Variants in SIPA1L3 observed in about 807,000 individuals in gnomAD.
SIPA1L3 encodes signal-induced proliferation-associated 1-like protein 3.
SIPA1L3 carries 59 observed loss-of-function variants against 150.1 expected under a neutral mutation model. The ratio of observed to expected loss-of-function variants is 0.39; its 90% CI spans 0.32 to 0.49. The LOEUF (loss-of-function observed/expected upper bound fraction) is 0.49, where lower values mean the gene tolerates loss of function less well. Among genes scored for constraint, SIPA1L3 ranks in the 20% least tolerant of loss-of-function variants. The pLI, the probability that SIPA1L3 is intolerant of heterozygous loss-of-function variation, is 0.86. For missense variants in SIPA1L3, 2,211 were observed against 2,489.5 expected, an observed-to-expected ratio of 0.89 and a Z score of 2.38; for synonymous variants, 1,070 against 1,077.6, an observed-to-expected ratio of 0.99 and a Z score of 0.14.
intron 15 of SIPA1L3, among the ~76,000 whole-genome samples, chr19:38,168,651 A>G (rs920947930): frequency 8.5e-5 from 13 of 152,116 alleles, no homozygotes; most frequent in Admixed American, 3.9e-4. Flanking sequence ...AATCCGAGAC[A>G]TAAAGACAGC....
chr19:37,953,443 T>C (rs1326284876), intron 1 of SIPA1L3, among the ~76,000 whole-genome samples: 1 of 152,142 alleles, frequency 6.6e-6, no homozygotes, highest in African/African-American at 2.4e-5. Flanking sequence ...CAAAGTCTGC[T>C]CTTAGGAGGA....
intron 1 of SIPA1L3, among the ~76,000 whole-genome samples, chr19:38,024,397 A>C (rs1968452970): frequency 6.6e-6 from 1 of 152,128 alleles, no homozygotes; most frequent in Admixed American, 6.5e-5. Context: ...AGCAGGAAAA[A>C]ATGGAGCTGC....
At chr19:38,039,259 A>G (rs1968856899) in intron 2 of SIPA1L3, among the ~76,000 whole-genome samples, 1 of 152,146 alleles carries the variant, frequency 6.6e-6, no homozygotes, top group African/African-American at 2.4e-5. Flanking sequence ...GCCCCAAGAT[A>G]ATCACTTTTA....
intron 1 of SIPA1L3, among the ~76,000 whole-genome samples, chr19:37,981,133 C>T (rs1380602439): frequency 6.6e-6 from 1 of 152,102 alleles, no homozygotes; most frequent in East Asian, 1.9e-4. Context: ...TAGTATAGCT[C>T]ATGATTAAAG....
chr19:38,069,745 A>G (rs1223492012), intron 2 of SIPA1L3, among the ~76,000 whole-genome samples: 3 of 149,704 alleles, frequency 2.0e-5, no homozygotes, highest in Non-Finnish European at 4.5e-5. Flanking sequence ...GCTTACTGCA[A>G]CCTCCACCTC....
At chr19:38,202,697 C>G (rs1412443188) in intron 20 of SIPA1L3, among the ~76,000 whole-genome samples, 1 of 152,216 alleles carries the variant, frequency 6.6e-6, no homozygotes, top group Non-Finnish European at 1.5e-5. Context: ...TCTGCTCCTT[C>G]GTCTCCTCCT....
At chr19:37,944,722 G>A (rs1379962082) in intron 1 of SIPA1L3, among the ~76,000 whole-genome samples, 1 of 152,002 alleles carries the variant, frequency 6.6e-6, no homozygotes, top group Non-Finnish European at 1.5e-5. Context: ...AGGCTGAGGC[G>A]GGCAGATCAC....
Position 38,206,384 on chromosome 19 carries a change from C to A in SIPA1L3, c.*144C>A. The A allele has an allele frequency of 1.0e-6, 1 of 975,706 alleles. No individual in the cohort carries two copies. Among genetic ancestry groups the A allele is most frequent in the Non-Finnish European group, 1.5e-6 (1 of 675,016 alleles). 60.4% of individuals were successfully genotyped at this position (975,706 alleles called of 1,614,324 possible). ...CCATGGACACGGAAACTCCGATGGC[C>A]TCACTAGGGCTGTGAGTCAGGGTCA... On this transcript the variant is annotated 3_prime_UTR_variant, in exon 22 of 22. Coordinates refer to ENST00000222345, the MANE Select transcript of SIPA1L3 (RefSeq NM_015073.3).
intron 15 of SIPA1L3, among the ~76,000 whole-genome samples, chr19:38,182,095 C>T (rs1278867431): frequency 6.9e-6 from 1 of 144,396 alleles, no homozygotes; most frequent in Non-Finnish European, 1.5e-5. Flanking sequence ...GAGCTGAGAT[C>T]GCGCCACTGC....
At position 38,205,588 on chromosome 19, in the gene SIPA1L3, C is replaced by T. The variant is rs1973191857; in HGVS notation, c.5203-509C>T. On this transcript the variant is annotated intron_variant, in intron 21 of 21. Transcript: ENST00000222345. ...CCGTGGAATCAAAGGGGCCCAGGTT[C>T]TGACCCCCGCCCCACTGCATAATGC... Among the ~76,000 whole-genome samples the T allele has an allele frequency of 2.6e-5, 4 of 152,082 alleles. No individual in the cohort carries two copies. In the South Asian group the frequency reaches 8.3e-4, roughly 31 times the overall value.
chr19:38,175,927 G>C (rs1181341685), intron 15 of SIPA1L3, among the ~76,000 whole-genome samples: 2 of 152,158 alleles, frequency 1.3e-5, no homozygotes, highest in East Asian at 3.9e-4. Flanking sequence ...GAACGTTCAG[G>C]CTGGGCGCTG....
intron 1 of SIPA1L3, among the ~76,000 whole-genome samples, chr19:38,008,435 G>A (rs1968015520): frequency 1.3e-5 from 2 of 151,560 alleles, no homozygotes; most frequent in Non-Finnish European, 2.9e-5. Context: ...CACCATATTG[G>A]TCAGGCTGGT....
chr19:37,934,271 G>A (rs866928639), intron 1 of SIPA1L3, among the ~76,000 whole-genome samples: 1 of 152,162 alleles, frequency 6.6e-6, no homozygotes, highest in Admixed American at 6.5e-5. Context: ...ACTTCGCGCC[G>A]CTGTAGCATA....
chr19:38,140,518 G>A (rs1971551146), intron 10 of SIPA1L3, among the ~76,000 whole-genome samples: 1 of 152,040 alleles, frequency 6.6e-6, no homozygotes, highest in Non-Finnish European at 1.5e-5. Flanking sequence ...CCGCCTTTCT[G>A]GCCCTGAGTA....
chr19:38,000,923 CAT>C (rs139011047), intron 1 of SIPA1L3, among the ~76,000 whole-genome samples: 39,927 of 129,366 alleles, frequency 0.31, 6,567 homozygotes, highest in East Asian at 0.71. Context: ...ATATATATAA[CAT>C]ATATATAACA....
intron 2 of SIPA1L3, among the ~76,000 whole-genome samples, chr19:38,056,999 G>A (rs990807367): frequency 6.6e-6 from 1 of 152,042 alleles, no homozygotes; most frequent in Non-Finnish European, 1.5e-5. Context: ...GACCGGGCGC[G>A]GTGGCTCAAC....
chr19:38,054,381 C>A (rs936051297), intron 2 of SIPA1L3, among the ~76,000 whole-genome samples: 1 of 152,148 alleles, frequency 6.6e-6, no homozygotes, highest in Non-Finnish European at 1.5e-5. Flanking sequence ...CCAAGGCAGG[C>A]GGATCACTTG....
chr19:38,119,519 C>T lies in SIPA1L3; in HGVS notation c.2505C>T (p.Asn835=). The change falls in exon 9 of 22, where the codon AAC becomes AAT. Residue 835 remains asparagine, a synonymous_variant. Coordinates refer to ENST00000222345, the MANE Select transcript of SIPA1L3 (RefSeq NM_015073.3). ...LKDLAENCVS[N]TPIDSTGKFN... ...ACCTGGCCGAAAACTGTGTCTCCAACACCCCCATCGACTCCACCGGCAAAT... is the reference window on the plus strand; with the variant it reads ...ACCTGGCCGAAAACTGTGTCTCCAATACCCCCATCGACTCCACCGGCAAAT... 1 of 1,614,202 alleles carries T rather than the reference C, an allele frequency of 6.2e-7. No individual in the cohort carries two copies.
At chr19:38,107,698 C>G (rs192702254) in intron 7 of SIPA1L3, among the ~76,000 whole-genome samples, 131 of 152,330 alleles carry the variant, frequency 8.6e-4, no homozygotes, top group African/African-American at 2.9e-3. Flanking sequence ...GGTCTTAGGC[C>G]AGGCTTGGTG....
Sources: gnomAD v4.1 joint callset for allele counts (sites outside exome capture counted in the v4.1 genomes callset) on GRCh38, gnomAD v4.1.1 for gene constraint, MANE v1.5 for transcripts, NCBI Gene and HGNC (gene_info 2026-07-23, HGNC 2026-07-21) for gene names.